STARD6: variants seen among roughly 807,000 people sequenced by gnomAD.
The protein encoded by STARD6 is StAR related lipid transfer domain containing 6.
Under a neutral mutation model 22.3 loss-of-function variants are expected in STARD6, and 21 were observed. The ratio of observed to expected loss-of-function variants is 0.94; its 90% CI spans 0.67 to 1.35. STARD6 has a LOEUF of 1.35. STARD6 is among the 40% of genes most tolerant of loss of function. The pLI, the probability that STARD6 is intolerant of heterozygous loss-of-function variation, is 0.00. For missense variants in STARD6, 269 were observed against 266.9 expected, an observed-to-expected ratio of 1.01 and a Z score of -0.05; for synonymous variants, 80 against 88.1, an observed-to-expected ratio of 0.91 and a Z score of 0.52.
At position 54,331,803 on chromosome 18, in the gene STARD6, A is replaced by AG. The variant is rs762356201; in HGVS notation, c.323dup (p.Arg109SerfsTer22). ...TGTACACTAAGTCGATAAAGTCTCG[A>AG]GGGGAAATGGAGCCCACGGCAAAAC... is the stretch of plus-strand genomic sequence containing the variant. On this transcript the variant is annotated frameshift_variant, in exon 6 of 8. Coordinates refer to ENST00000307844, the MANE Select transcript of STARD6 (RefSeq NM_139171.2). 3.3e-5 allele frequency: 53 copies of AG among 1,613,432 alleles called. No individual in the cohort carries two copies. Among genetic ancestry groups the AG allele is most frequent in the Non-Finnish European group, 4.4e-5 (52 of 1,179,652 alleles).
chr18:54,355,605 T>A (rs2089136477), intron 2 of STARD6, among the ~76,000 whole-genome samples: 1 of 152,132 alleles, frequency 6.6e-6, no homozygotes, highest in Non-Finnish European at 1.5e-5. Context: ...AACCTAACCA[T>A]GCTGGCACCC....
chr18:54,357,203 CCTTCCAGACTTACAGACA>C (rs1057436268), intron 1 of STARD6: 4 of 152,174 alleles, frequency 2.6e-5, no homozygotes, highest in African/African-American at 9.7e-5. Context: ...AAACTGGATT[CCTTCCAGACTTACAGACA>C]GGTTCACACA....
At chr18:54,333,323 C>T (rs2088880967) in intron 5 of STARD6, among the ~76,000 whole-genome samples, 1 of 152,118 alleles carries the variant, frequency 6.6e-6, no homozygotes, top group African/African-American at 2.4e-5. Flanking sequence ...GTGGCGGGCA[C>T]CTGTAGTCCC....
Position 54,347,885 on chromosome 18 carries a change from T to G in STARD6, c.140+6169A>C, listed in dbSNP as rs141435550. Among the ~76,000 whole-genome samples the G allele has an allele frequency of 5.8e-4, 88 of 152,216 alleles. 1 individual carries two copies. In the East Asian group the frequency reaches 0.015, roughly 25 times the overall value. On this transcript the variant is annotated intron_variant, in intron 4 of 7. Transcript: ENST00000307844. ...TCCCCACCCAAATCTCATCTTGAAT[T>G]GTAGCTCTCATAATTCCCAGGTGTT...
intron 7 of STARD6, among the ~76,000 whole-genome samples, chr18:54,326,210 G>C (rs1197339433): frequency 1.3e-5 from 2 of 151,228 alleles, no homozygotes; most frequent in Admixed American, 1.3e-4. Context: ...AAATCTTTGA[G>C]ATGCTAAAGG....
intron 5 of STARD6, 137 bp from the exon 6 acceptor site, chr18:54,331,996 A>G (rs2088869932): frequency 1.8e-6 from 1 of 542,460 alleles, no homozygotes; most frequent in African/African-American, 1.9e-5. Flanking sequence ...AGATCTCGTC[A>G]CCAAATCAGC....
chr18:54,357,541 CACTT>C (rs1337819766), intron 1 of STARD6, among the ~76,000 whole-genome samples: 2 of 152,118 alleles, frequency 1.3e-5, no homozygotes, highest in Admixed American at 6.5e-5. Flanking sequence ...AGGCTGAACT[CACTT>C]GGAAAAACTG....
chr18:54,351,114 C>A (rs1359416048), intron 4 of STARD6, among the ~76,000 whole-genome samples: 2 of 152,174 alleles, frequency 1.3e-5, no homozygotes, highest in African/African-American at 4.8e-5. Context: ...CATCCATGAG[C>A]ATGGGATGTG....
chr18:54,352,852 C>T (rs1241973445), intron 4 of STARD6, among the ~76,000 whole-genome samples: 1 of 152,090 alleles, frequency 6.6e-6, no homozygotes, highest in Non-Finnish European at 1.5e-5. Flanking sequence ...AAATAACTTC[C>T]AAGCTTTTAA....
intron 4 of STARD6, among the ~76,000 whole-genome samples, chr18:54,339,044 CAAAAAAAAAAAAAAA>C (rs760501311): frequency 7.7e-4 from 8 of 10,406 alleles, no homozygotes; most frequent in Admixed American, 2.7e-3. Context: ...GAGACTCCAT[CAAAAAAAAAAAAAAA>C]AAAAAAAAAA....
chr18:54,354,723 C>T, intron 2 of STARD6, 146 bp from the exon 3 acceptor site: 1 of 582,530 alleles, frequency 1.7e-6, no homozygotes, highest in Non-Finnish European at 3.0e-6. Flanking sequence ...ATGCATGAAC[C>T]CCTCTCTCCT....
At chr18:54,334,816 AAC>A (rs1360678225) in intron 5 of STARD6, among the ~76,000 whole-genome samples, 1 of 152,082 alleles carries the variant, frequency 6.6e-6, no homozygotes, top group Non-Finnish European at 1.5e-5. Context: ...AGTTTTAAAA[AAC>A]TGTTTATTTG....
chr18:54,324,883 C>T lies in STARD6; in HGVS notation c.480-8G>A. On this transcript the variant is annotated splice_region_variant and splice_polypyrimidine_tract_variant and intron_variant, in intron 7 of 7. Transcript: ENST00000307844. ...TTGGAATATGCTGGGTTTCTGTAAG[C>T]AAAAGAAGAGTTAAAAAAAGATAAG... The T allele has an allele frequency of 1.3e-6, 2 of 1,498,480 alleles. No individual in the cohort carries two copies. Among genetic ancestry groups the T allele is most frequent in the Non-Finnish European group, 1.8e-6 (2 of 1,129,780 alleles). 92.8% of individuals were successfully genotyped at this position (1,498,480 alleles called of 1,614,324 possible).
chr18:54,346,953 A>C (rs2089042369), intron 4 of STARD6, among the ~76,000 whole-genome samples: 1 of 152,166 alleles, frequency 6.6e-6, no homozygotes, highest in East Asian at 1.9e-4. Flanking sequence ...TTTTTTGGGG[A>C]GGAGAATGTT....
chr18:54,346,154 C>T (rs1787815), intron 4 of STARD6, among the ~76,000 whole-genome samples: 10,369 of 152,044 alleles, frequency 0.068, 408 homozygotes, highest in African/African-American at 0.091. Flanking sequence ...AGAAAATAGT[C>T]GCAAATCATA....
At chr18:54,350,468 CAGA>C (rs1252375634) in intron 4 of STARD6, among the ~76,000 whole-genome samples, 2 of 152,128 alleles carry the variant, frequency 1.3e-5, no homozygotes, top group Non-Finnish European at 2.9e-5. Flanking sequence ...TTTTACGATG[CAGA>C]AGGCTTTTAG....
chr18:54,329,733 A>G (rs185643186), intron 6 of STARD6, among the ~76,000 whole-genome samples: 38 of 152,096 alleles, frequency 2.5e-4, no homozygotes, highest in Admixed American at 2.4e-3. Context: ...GATTTGAAGC[A>G]AAAGATAGCT....
chr18:54,351,650 CAA>C (rs1391593718), intron 4 of STARD6, among the ~76,000 whole-genome samples: 1 of 151,996 alleles, frequency 6.6e-6, no homozygotes, highest in African/African-American at 2.4e-5. Flanking sequence ...GGGTTTTAGT[CAA>C]AAAGAGATGC....
intron 3 of STARD6, 111 bp from the exon 4 acceptor site, chr18:54,354,214 A>G: frequency 1.4e-6 from 1 of 696,368 alleles, no homozygotes; most frequent in South Asian, 2.2e-5. Context: ...TAAAAGAAAA[A>G]AATATATATA....
Sources: allele counts gnomAD v4.1 joint callset (sites outside exome capture counted in the v4.1 genomes callset), GRCh38; gene constraint gnomAD v4.1.1; transcripts MANE v1.5; gene names NCBI Gene and HGNC (gene_info 2026-07-23, HGNC 2026-07-21).